Variants in PPP2R5E observed in about 807,000 individuals in gnomAD.
PPP2R5E encodes serine/threonine-protein phosphatase 2A 56 kDa regulatory subunit epsilon isoform.
Under a neutral mutation model 65.3 loss-of-function variants are expected in PPP2R5E, and 4 were observed. The observed-to-expected ratio is 0.06, with a 90% CI of 0.03 to 0.14. The LOEUF is 0.14. Ranked by LOEUF, PPP2R5E falls within the 10% of genes least tolerant of loss-of-function variation. The pLI, the probability that PPP2R5E is intolerant of heterozygous loss-of-function variation, is 1.00. For synonymous variants in PPP2R5E, 183 were observed against 187.4 expected (o/e 0.98, Z 0.19); for missense variants, 274 against 556.1 (o/e 0.49, Z 5.10).
intron 2 of PPP2R5E, among the ~76,000 whole-genome samples, chr14:63,475,448 A>G (rs1451594354): frequency 2.6e-5 from 4 of 152,228 alleles, no homozygotes; most frequent in African/African-American, 9.6e-5. Flanking sequence ...AAATACTTAA[A>G]TCAAAGACCA....
intron 2 of PPP2R5E, among the ~76,000 whole-genome samples, chr14:63,535,032 C>A (rs947494752): frequency 6.6e-6 from 1 of 152,078 alleles, no homozygotes; most frequent in African/African-American, 2.4e-5. Flanking sequence ...CACACAGATA[C>A]GGAAAAACCA....
At chr14:63,418,761 T>C (rs1466966366) in intron 4 of PPP2R5E, among the ~76,000 whole-genome samples, 1 of 152,114 alleles carries the variant, frequency 6.6e-6, no homozygotes, top group Non-Finnish European at 1.5e-5. Flanking sequence ...CTTTGACATA[T>C]TTGAACTAAA....
chr14:63,485,986 C>T (rs995826007), intron 2 of PPP2R5E, among the ~76,000 whole-genome samples: 3 of 151,570 alleles, frequency 2.0e-5, no homozygotes, highest in African/African-American at 7.3e-5. Flanking sequence ...TGCGCTACTA[C>T]GCCCAGCTAA....
chr14:63,441,353 G>A (rs566129608), intron 3 of PPP2R5E, among the ~76,000 whole-genome samples: 1 of 152,292 alleles, frequency 6.6e-6, no homozygotes, highest in South Asian at 2.1e-4. Context: ...TTAAGATACT[G>A]AGTTCACTAC....
At chr14:63,397,331 G>A (rs991521447) in intron 5 of PPP2R5E, among the ~76,000 whole-genome samples, 2 of 151,812 alleles carry the variant, frequency 1.3e-5, no homozygotes, top group East Asian at 1.9e-4. Context: ...GTGAAACCCC[G>A]TCTCTAGTAA....
chr14:63,520,677 T>C (rs978494230), intron 2 of PPP2R5E, among the ~76,000 whole-genome samples: 2 of 152,008 alleles, frequency 1.3e-5, no homozygotes. Flanking sequence ...AGCCAGGTCC[T>C]AGGCGGACTC....
chr14:63,421,128 GC>G (rs2139883655), intron 4 of PPP2R5E, among the ~76,000 whole-genome samples: 1 of 137,506 alleles, frequency 7.3e-6, no homozygotes, highest in South Asian at 2.5e-4. Context: ...CGAAAATGCA[GC>G]AGCTTCTGCC....
chr14:63,468,706 A>G (rs184902780), intron 2 of PPP2R5E, among the ~76,000 whole-genome samples: 206 of 152,338 alleles, frequency 1.4e-3, no homozygotes, highest in Non-Finnish European at 2.2e-3. Context: ...TAAACAAGCA[A>G]TGTTCGACAG....
chr14:63,467,239 C>A (rs376363065), intron 2 of PPP2R5E, among the ~76,000 whole-genome samples: 21,049 of 110,892 alleles, frequency 0.19, 3,436 homozygotes, highest in African/African-American at 0.45. Context: ...AACAAACAAA[C>A]AAACAAAAAA....
chr14:63,494,345 T>A (rs1891432471), intron 2 of PPP2R5E, among the ~76,000 whole-genome samples: 1 of 152,002 alleles, frequency 6.6e-6, no homozygotes, highest in Non-Finnish European at 1.5e-5. Context: ...GCAATTCTCC[T>A]GCCTCAGCCT....
intron 2 of PPP2R5E, among the ~76,000 whole-genome samples, chr14:63,483,152 T>C (rs1890795687): frequency 6.6e-6 from 1 of 151,980 alleles, no homozygotes; most frequent in Non-Finnish European, 1.5e-5. Flanking sequence ...TTTAAAAATA[T>C]AAATAAAATT....
rs544979683 is a variant in PPP2R5E at position 63,373,964 on chromosome 14, GCCT to G, written c.*2042_*2044del. The G allele has an allele frequency of 2.1e-5, 3 of 146,280 alleles. No homozygotes were observed. In the South Asian group the frequency reaches 6.4e-4, roughly 31 times the overall value. The allele number at this position is 146,280 out of a possible 1,614,324, so 9.1% of individuals were successfully genotyped here. A position where few individuals can be genotyped will look rare whatever the true frequency, so the allele number is the denominator to read the frequency against. The stretch of plus-strand genomic sequence containing the variant: ...AAAGTCAGTTGTTTCGTCTTTGGCA[GCCT>G]CTGCCAACTTTACAGTGAATCCCCA... On this transcript the variant is annotated 3_prime_UTR_variant, in exon 14 of 14. Coordinates refer to ENST00000337537, the MANE Select transcript of PPP2R5E (RefSeq NM_006246.5).
intron 2 of PPP2R5E, among the ~76,000 whole-genome samples, chr14:63,525,851 A>G (rs1893165076): frequency 1.3e-5 from 2 of 152,160 alleles, no homozygotes; most frequent in South Asian, 4.1e-4. Flanking sequence ...GAAGTTTCTC[A>G]TTCAGTTCTT....
At chr14:63,527,105 G>A (rs1594973834) in intron 2 of PPP2R5E, among the ~76,000 whole-genome samples, 1 of 152,166 alleles carries the variant, frequency 6.6e-6, no homozygotes, top group African/African-American at 2.4e-5. Context: ...GGAGGTGGGG[G>A]TTGCAGTGAG....
At chr14:63,462,273 T>C (rs1889525760) in intron 2 of PPP2R5E, among the ~76,000 whole-genome samples, 1 of 152,104 alleles carries the variant, frequency 6.6e-6, no homozygotes, top group Non-Finnish European at 1.5e-5. Flanking sequence ...AGTTTCACCG[T>C]GTTAGCCAGG....
chr14:63,478,265 G>A (rs1951212), intron 2 of PPP2R5E, among the ~76,000 whole-genome samples: 49,837 of 152,006 alleles, frequency 0.33, 10,879 homozygotes, highest in African/African-American at 0.62. Flanking sequence ...AGAGGTCTCA[G>A]TGAAACTTTT....
At chr14:63,486,034 T>C (rs1890977471) in intron 2 of PPP2R5E, among the ~76,000 whole-genome samples, 2 of 151,834 alleles carry the variant, frequency 1.3e-5, no homozygotes, top group Admixed American at 1.3e-4. Context: ...TTCACCATGT[T>C]GGCCAGGCTG....
intron 2 of PPP2R5E, among the ~76,000 whole-genome samples, chr14:63,495,943 G>A (rs753706501): frequency 7.2e-5 from 11 of 152,078 alleles, no homozygotes; most frequent in Non-Finnish European, 1.6e-4. Context: ...TCCCGCCTCA[G>A]CCTTTCATAA....
At chr14:63,382,270 T>C (rs918399479) in intron 12 of PPP2R5E, 113 bp from the exon 13 acceptor site, 4 of 573,140 alleles carry the variant, frequency 7.0e-6, no homozygotes, top group Non-Finnish European at 1.2e-5. Flanking sequence ...CTGCACACTG[T>C]CTGTATCCTT....
Sources: allele counts gnomAD v4.1 joint callset (sites outside exome capture counted in the v4.1 genomes callset), GRCh38; gene constraint gnomAD v4.1.1; transcripts MANE v1.5; gene names NCBI Gene and HGNC (gene_info 2026-07-23, HGNC 2026-07-21).